The following CEP135 variants were observed in gnomAD, a reference collection of about 807,000 sequenced individuals.
The protein encoded by CEP135 is centrosomal protein of 135 kDa.
A neutral mutation model predicts 157.3 loss-of-function variants in CEP135; 142 were observed. That is an observed-to-expected ratio of 0.90 (90% CI 0.79 to 1.04). The LOEUF (loss-of-function observed/expected upper bound fraction) is 1.04. CEP135 is among the 50% of genes least tolerant of loss of function. CEP135 has a pLI of 0.00. For synonymous variants in CEP135, 396 were observed against 439.8 expected (o/e 0.90, Z 1.25); for missense variants, 1,317 against 1,309.2 (o/e 1.01, Z -0.09).
At position 56,019,422 on chromosome 4, in the gene CEP135, C is replaced by T. The variant is rs746267849; in HGVS notation, c.3082C>T (p.His1028Tyr). Residue 1028 changes from histidine (H) to tyrosine (Y), a missense_variant, in exon 23 of 26, where the codon CAT (histidine) becomes TAT (tyrosine). Physicochemically the swap from His to Tyr is moderately conservative, Grantham distance 83. Coordinates refer to ENST00000257287, the MANE Select transcript of CEP135 (RefSeq NM_025009.5). Reference sequence around the variant, plus strand: ...GAAAAAACAACTTTCAAATGAGAGACATACAGTTAAAAACCTCGAATCATT... The same window carrying T: ...GAAAAAACAACTTTCAAATGAGAGATATACAGTTAAAAACCTCGAATCATT... ...LLKKQLSNERHTVKNLESLLA... is the reference protein window; with the variant it reads ...LLKKQLSNERYTVKNLESLLA... 1.9e-5 allele frequency: 31 copies of T among 1,613,716 alleles called. No individual in the cohort carries two copies. The African/African-American group carries it at 3.6e-4, about 19-fold the overall frequency.
intron 21 of CEP135, among the ~76,000 whole-genome samples, chr4:56,013,470 C>T (rs1345047442): frequency 6.6e-6 from 1 of 151,954 alleles, no homozygotes; most frequent in Admixed American, 6.6e-5. Flanking sequence ...AAGCTTTTCC[C>T]CTATGTTTTC....
chr4:55,991,696 A>G (rs550318920), intron 14 of CEP135, among the ~76,000 whole-genome samples: 27 of 152,198 alleles, frequency 1.8e-4, no homozygotes, highest in African/African-American at 6.5e-4. Flanking sequence ...TTATAGATAT[A>G]TTCTTTTCTC....
intron 25 of CEP135, among the ~76,000 whole-genome samples, chr4:56,029,724 G>T (rs1374318668): frequency 6.6e-6 from 1 of 152,176 alleles, no homozygotes; most frequent in Admixed American, 6.5e-5. Context: ...AATACTGTAG[G>T]CAGTTGTAAC....
intron 11 of CEP135, among the ~76,000 whole-genome samples, chr4:55,976,143 A>G (rs976774508): frequency 2.6e-5 from 4 of 151,846 alleles, no homozygotes; most frequent in Non-Finnish European, 4.4e-5. Context: ...CGTACCACCT[A>G]CTAGGAAGGC....
chr4:55,985,788 A>G (rs1448540166), intron 14 of CEP135, among the ~76,000 whole-genome samples: 1 of 152,144 alleles, frequency 6.6e-6, no homozygotes, highest in Non-Finnish European at 1.5e-5. Context: ...AATTACAATT[A>G]CAATAGCTGG....
intron 2 of CEP135, 101 bp from the exon 3 acceptor site, chr4:55,952,984 T>A: frequency 2.0e-6 from 2 of 983,100 alleles, no homozygotes; most frequent in Non-Finnish European, 2.8e-6. Context: ...AATGTCATCA[T>A]GTGGTGCATG....
At chr4:56,022,769 A>G (rs762921097) in intron 24 of CEP135, among the ~76,000 whole-genome samples, 1 of 152,198 alleles carries the variant, frequency 6.6e-6, no homozygotes, top group Non-Finnish European at 1.5e-5. Context: ...GTTTTGAGAC[A>G]GGAAGACGGA....
intron 9 of CEP135, among the ~76,000 whole-genome samples, chr4:55,970,487 A>G (rs1340430820): frequency 2.6e-5 from 4 of 152,354 alleles, no homozygotes; most frequent in South Asian, 2.1e-4. Context: ...TACTTTTTAT[A>G]CAGTCTAGCT....
chr4:55,983,870 A>G (rs1729491572), intron 13 of CEP135, among the ~76,000 whole-genome samples: 1 of 152,180 alleles, frequency 6.6e-6, no homozygotes, highest in South Asian at 2.1e-4. Flanking sequence ...TCTCCGAGTT[A>G]CAGTGAGTTT....
chr4:56,029,522 A>G (rs1366400443), intron 25 of CEP135, among the ~76,000 whole-genome samples: 1 of 152,218 alleles, frequency 6.6e-6, no homozygotes, highest in Non-Finnish European at 1.5e-5. Context: ...GAGACCCAAT[A>G]TATACAGTCA....
chr4:56,022,244 A>G (rs1285321631), intron 24 of CEP135, among the ~76,000 whole-genome samples: 4 of 152,124 alleles, frequency 2.6e-5, no homozygotes, highest in African/African-American at 9.7e-5. Context: ...ACTTCCCCAC[A>G]GTTCCTCCCC....
intron 17 of CEP135, among the ~76,000 whole-genome samples, chr4:56,006,596 C>T (rs535364891): frequency 1.2e-4 from 19 of 152,058 alleles, no homozygotes; most frequent in East Asian, 1.9e-4. Flanking sequence ...CCAGCCTGGG[C>T]GACAGAATGA....
chr4:55,974,119 G>A (rs1047088657), intron 10 of CEP135, among the ~76,000 whole-genome samples: 1 of 152,188 alleles, frequency 6.6e-6, no homozygotes, highest in African/African-American at 2.4e-5. Flanking sequence ...TGCTGGGCAT[G>A]TAGTAAATGC....
intron 4 of CEP135, 95 bp downstream of exon 4, chr4:55,954,478 ATGCTTAGACTT>A: frequency 9.4e-7 from 1 of 1,063,586 alleles, no homozygotes; most frequent in Non-Finnish European, 1.3e-6. Flanking sequence ...TTGGATTTTC[ATGCTTAGACTT>A]TAGTGTTTGA....
chr4:55,951,193 T>C (rs138067782), intron 1 of CEP135, among the ~76,000 whole-genome samples: 108 of 152,364 alleles, frequency 7.1e-4, no homozygotes, highest in Non-Finnish European at 2.4e-4. Context: ...TTGGGGCTAC[T>C]ATGAGTAAAG....
chr4:55,975,923 T>G lies in CEP135; in HGVS notation c.1473+954T>G, dbSNP rs143834940. Among the ~76,000 whole-genome samples, 260 of 152,298 alleles carry G rather than the reference T, an allele frequency of 1.7e-3. 2 individuals carry two copies. Among genetic ancestry groups the G allele is most frequent in the African/African-American group, 6.2e-3 (257 of 41,566 alleles). ...ATAGGCTAATGGCTGAATTTTGATT[T>G]ACTGTTGTCAGTGTAAGCACTATAC... On this transcript the variant is annotated intron_variant, in intron 11 of 25. Transcript: ENST00000257287.
intron 7 of CEP135, 44 bp downstream of exon 7, chr4:55,964,446 T>C: frequency 6.8e-7 from 1 of 1,477,820 alleles, no homozygotes; most frequent in African/African-American, 1.4e-5. Context: ...TATAATGGTG[T>C]TTATAATAAA....
chr4:55,994,100 C>A (rs553565296), intron 15 of CEP135, among the ~76,000 whole-genome samples: 1 of 152,076 alleles, frequency 6.6e-6, no homozygotes, highest in African/African-American at 2.4e-5. Flanking sequence ...AAGTCTAAAG[C>A]GAAACCAAAT....
intron 21 of CEP135, among the ~76,000 whole-genome samples, chr4:56,012,834 A>T (rs1730632163): frequency 6.6e-6 from 1 of 152,230 alleles, no homozygotes; most frequent in African/African-American, 2.4e-5. Context: ...GCTGTTGTGA[A>T]TAATGCTGCT....
Sources: gnomAD v4.1 joint callset for allele counts (sites outside exome capture counted in the v4.1 genomes callset) on GRCh38, gnomAD v4.1.1 for gene constraint, MANE v1.5 for transcripts, NCBI Gene and HGNC (gene_info 2026-07-23, HGNC 2026-07-21) for gene names.